Variants in KCTD8 observed in about 807,000 individuals in gnomAD.
KCTD8 encodes potassium channel tetramerization domain containing 8.
KCTD8 carries 27 observed loss-of-function variants against 31.5 expected under a neutral mutation model. That is an observed-to-expected ratio of 0.86 (90% CI 0.63 to 1.18). KCTD8 has a LOEUF of 1.18. KCTD8 is among the 50% of genes most tolerant of loss of function. KCTD8 has a pLI of 0.00. For missense variants in KCTD8, 658 were observed against 647.7 expected, an observed-to-expected ratio of 1.02 and a Z score of -0.17; for synonymous variants, 290 against 280.0, an observed-to-expected ratio of 1.04 and a Z score of -0.36.
In KCTD8 at chr4:44,269,419, C is replaced by A. The variant is rs1016994713; in HGVS notation, c.962-94169G>T. 3.4e-4 allele frequency among the ~76,000 whole-genome samples: 51 copies of A among 151,410 alleles called. 1 individual carries two copies. The East Asian group carries it at 9.2e-3, about 27-fold the overall frequency. On this transcript the variant is annotated intron_variant, in intron 1 of 1. Coordinates refer to ENST00000360029, the MANE Select transcript of KCTD8 (RefSeq NM_198353.3). ...ATGGATTAAAGACTTAAATGTTAGA[C>A]CTAAAACCATAAAAACCCTAGAAGA... is the stretch of plus-strand genomic sequence containing the variant.
chr4:44,194,781 TTCCCTCCC>T (rs1193612494), intron 1 of KCTD8, among the ~76,000 whole-genome samples: 685 of 13,944 alleles, frequency 0.049, 29 homozygotes, highest in African/African-American at 0.14. Flanking sequence ...CCCTCCCCCC[TTCCCTCCC>T]TCCCTCCCTC....
At chr4:44,309,547 C>G (rs540776062) in intron 1 of KCTD8, among the ~76,000 whole-genome samples, 2 of 152,126 alleles carry the variant, frequency 1.3e-5, no homozygotes, top group South Asian at 2.1e-4. Flanking sequence ...GCTTAATTCT[C>G]TTTTACTCAC....
At chr4:44,295,950 G>A (rs926883384) in intron 1 of KCTD8, among the ~76,000 whole-genome samples, 2 of 152,116 alleles carry the variant, frequency 1.3e-5, no homozygotes, top group African/African-American at 4.8e-5. Flanking sequence ...ATAAAAACTT[G>A]TAAGACCCAA....
chr4:44,369,813 T>TA (rs57467355), intron 1 of KCTD8, among the ~76,000 whole-genome samples: 14,364 of 146,734 alleles, frequency 0.098, 1,211 homozygotes, highest in African/African-American at 0.21. Flanking sequence ...AATATAAAAA[T>TA]AAAAAAAAAA....
intron 1 of KCTD8, among the ~76,000 whole-genome samples, chr4:44,309,722 C>T (rs956811274): frequency 6.6e-6 from 1 of 151,896 alleles, no homozygotes; most frequent in Non-Finnish European, 1.5e-5. Flanking sequence ...ATTGACTTGC[C>T]ATTTAAATTA....
intron 1 of KCTD8, among the ~76,000 whole-genome samples, chr4:44,239,133 T>A (rs949906509): frequency 6.6e-6 from 1 of 152,170 alleles, no homozygotes; most frequent in Non-Finnish European, 1.5e-5. Flanking sequence ...GAGGATCACA[T>A]AAAATATAAT....
intron 1 of KCTD8, among the ~76,000 whole-genome samples, chr4:44,341,739 AC>A (rs1445195400): frequency 6.6e-6 from 1 of 152,060 alleles, no homozygotes; most frequent in East Asian, 1.9e-4. Context: ...GAAGTTTTGA[AC>A]CCTACAAAGA....
At chr4:44,293,050 A>G (rs184288557) in intron 1 of KCTD8, among the ~76,000 whole-genome samples, 47 of 152,230 alleles carry the variant, frequency 3.1e-4, no homozygotes, top group Non-Finnish European at 5.9e-4. Flanking sequence ...TCAGATCATT[A>G]AGAGATGTTG....
intron 1 of KCTD8, among the ~76,000 whole-genome samples, chr4:44,397,912 G>C (rs769489964): frequency 2.6e-5 from 4 of 152,010 alleles, no homozygotes; most frequent in Non-Finnish European, 4.4e-5. Flanking sequence ...AGCAGTTGTA[G>C]CACAATGAAT....
At chr4:44,287,109 G>C (rs1717102000) in intron 1 of KCTD8, among the ~76,000 whole-genome samples, 1 of 151,990 alleles carries the variant, frequency 6.6e-6, no homozygotes, top group South Asian at 2.1e-4. Context: ...AAACTTGCAT[G>C]AGCTCATTAA....
intron 1 of KCTD8, among the ~76,000 whole-genome samples, chr4:44,337,734 G>A (rs2109416562): frequency 6.6e-6 from 1 of 150,938 alleles, no homozygotes; most frequent in African/African-American, 2.4e-5. Context: ...GATGCTTCAT[G>A]AAAAATTGCA....
chr4:44,401,307 T>C (rs981304804), intron 1 of KCTD8, among the ~76,000 whole-genome samples: 34 of 152,150 alleles, frequency 2.2e-4, no homozygotes, highest in African/African-American at 7.5e-4. Flanking sequence ...CTGAATCCTT[T>C]AGAACTCTCT....
intron 1 of KCTD8, among the ~76,000 whole-genome samples, chr4:44,296,893 C>T (rs557688068): frequency 5.9e-5 from 9 of 152,028 alleles, no homozygotes; most frequent in African/African-American, 1.9e-4. Flanking sequence ...GTCCATGTTA[C>T]GTGAGGTCTA....
intron 1 of KCTD8, among the ~76,000 whole-genome samples, chr4:44,405,728 ACT>A (rs1720778210): frequency 6.6e-6 from 1 of 151,426 alleles, no homozygotes; most frequent in Admixed American, 6.6e-5. Context: ...CAAGATAACA[ACT>A]ACAAAGTATC....
intron 1 of KCTD8, among the ~76,000 whole-genome samples, chr4:44,237,721 C>T (rs1194890820): frequency 1.3e-5 from 2 of 152,164 alleles, no homozygotes; most frequent in Admixed American, 6.5e-5. Context: ...TATAGTCCTC[C>T]TGATCCTTTA....
At chr4:44,369,339 A>G (rs1719722837) in intron 1 of KCTD8, among the ~76,000 whole-genome samples, 2 of 152,228 alleles carry the variant, frequency 1.3e-5, no homozygotes, top group South Asian at 2.1e-4. Context: ...TGCCACTTCA[A>G]TATACACTCC....
At chr4:44,359,640 CTCT>C (rs1719445209) in intron 1 of KCTD8, among the ~76,000 whole-genome samples, 1 of 152,062 alleles carries the variant, frequency 6.6e-6, no homozygotes, top group Non-Finnish European at 1.5e-5. Flanking sequence ...TTATTTAACT[CTCT>C]TCTTTTGCTC....
intron 1 of KCTD8, among the ~76,000 whole-genome samples, chr4:44,257,674 T>C (rs933228210): frequency 2.0e-5 from 3 of 152,032 alleles, no homozygotes; most frequent in Non-Finnish European, 2.9e-5. Context: ...TTTTGTACTA[T>C]TGCTTAATAG....
intron 1 of KCTD8, among the ~76,000 whole-genome samples, chr4:44,334,651 A>G (rs1038420595): frequency 3.9e-5 from 6 of 152,074 alleles, no homozygotes; most frequent in Admixed American, 2.0e-4. Context: ...ATATATAACA[A>G]TGTAAAAAAA....
Sources: gnomAD v4.1 joint callset for allele counts (sites outside exome capture counted in the v4.1 genomes callset) on GRCh38, gnomAD v4.1.1 for gene constraint, MANE v1.5 for transcripts, NCBI Gene and HGNC (gene_info 2026-07-23, HGNC 2026-07-21) for gene names.